The following HEATR1 variants were observed in gnomAD, a reference collection of about 807,000 sequenced individuals.
HEATR1 encodes HEAT repeat containing 1, also known as HEAT repeat-containing protein 1.
Under a neutral mutation model 248.2 loss-of-function variants are expected in HEATR1, and 77 were observed. The ratio of observed to expected loss-of-function variants is 0.31; its 90% CI spans 0.26 to 0.37. The LOEUF is 0.37. HEATR1 is among the 10% of genes least tolerant of loss of function. The probability of loss-of-function intolerance (pLI) is 1.00; values close to 1 mark genes in which losing one functional copy is unlikely to be tolerated. For synonymous variants in HEATR1, 897 were observed against 923.1 expected (o/e 0.97, Z 0.51); for missense variants, 2,420 against 2,504.9 (o/e 0.97, Z 0.72).
Position 236,585,888 on chromosome 1 carries a change from T to A in HEATR1, c.1981A>T (p.Asn661Tyr). 2 of 1,613,194 alleles carry A rather than the reference T, an allele frequency of 1.2e-6. No homozygotes were observed. Among genetic ancestry groups the A allele is most frequent in the Non-Finnish European group, 1.7e-6 (2 of 1,179,324 alleles). ...TKPGKLIGVA[N>Y]QKMIELLADN... ...GCCAACAACTCAATCATCTTCTGATTTGCTACACCGATTAGTTTTCCTGGC... is the reference window on the plus strand; with the variant it reads ...GCCAACAACTCAATCATCTTCTGATATGCTACACCGATTAGTTTTCCTGGC... The change falls in exon 16 of 45, where the codon AAT (asparagine) becomes TAT (tyrosine). Residue 661 changes from asparagine (N) to tyrosine (Y), a missense_variant. Asn to Tyr is a moderately radical substitution (Grantham distance 143, BLOSUM62 -2). Coordinates refer to ENST00000366582, the MANE Select transcript of HEATR1 (RefSeq NM_018072.6).
chr1:236,565,891 CAGTA>C, intron 31 of HEATR1, 24 bp downstream of exon 31: 3 of 1,598,012 alleles, frequency 1.9e-6, no homozygotes, highest in South Asian at 1.1e-5. Flanking sequence ...TCAGATTGAA[CAGTA>C]AGTGACACCC....
At chr1:236,592,898 A>C (rs1369793359) in intron 9 of HEATR1, among the ~76,000 whole-genome samples, 4 of 152,206 alleles carry the variant, frequency 2.6e-5, no homozygotes, top group Admixed American at 2.6e-4. Context: ...CAACATAGTA[A>C]GACTACATTG....
Position 236,571,343 on chromosome 1 carries a change from AC to A in HEATR1, c.3948+7del. 6.3e-7 allele frequency: 1 copy of A among 1,587,120 alleles called. No homozygotes were observed. The highest frequency in any genetic ancestry group is 2.2e-5 in the East Asian group (1 of 44,734). On this transcript the variant is annotated splice_region_variant and intron_variant, in intron 28 of 44. Transcript: ENST00000366582. ...TATCTGCTAAAATCTTATATCATTA[AC>A]GCTTACCGGAAATATTCCAGCAACA... is the stretch of plus-strand genomic sequence containing the variant.
At chr1:236,571,069 G>C (rs1169901030) in intron 28 of HEATR1, among the ~76,000 whole-genome samples, 1 of 152,192 alleles carries the variant, frequency 6.6e-6, no homozygotes, top group Admixed American at 6.5e-5. Context: ...TAGTGTGCCA[G>C]GTATTATGCT....
chr1:236,561,415 T>G (rs1077437), intron 32 of HEATR1, 144 bp from the exon 33 acceptor site: 465,321 of 688,834 alleles, frequency 0.68, 159,738 homozygotes, highest in Non-Finnish European at 0.72. Context: ...CAGGTTCATA[T>G]CATCTTCATT....
At chr1:236,581,675 A>G (rs1663745729) in intron 19 of HEATR1, among the ~76,000 whole-genome samples, 1 of 152,184 alleles carries the variant, frequency 6.6e-6, no homozygotes, top group South Asian at 2.1e-4. Context: ...TGGGACGCCT[A>G]ATTAAGAAAA....
intron 29 of HEATR1, 51 bp from the exon 30 acceptor site, chr1:236,566,927 A>G (rs1257379313): frequency 8.0e-7 from 1 of 1,254,716 alleles, no homozygotes; most frequent in East Asian, 2.3e-5. Context: ...ATCTTCCACA[A>G]AACAAGTTTA....
chr1:236,583,440 T>C (rs1329676960), intron 17 of HEATR1, among the ~76,000 whole-genome samples: 1 of 152,052 alleles, frequency 6.6e-6, no homozygotes, highest in African/African-American at 2.4e-5. Context: ...TTTATTCATA[T>C]GAACTGTTTA....
intron 42 of HEATR1, among the ~76,000 whole-genome samples, chr1:236,554,335 C>T (rs1053218653): frequency 3.9e-5 from 6 of 152,040 alleles, no homozygotes; most frequent in Non-Finnish European, 5.9e-5. Context: ...GAGGTTGCAG[C>T]GAGCCGAGAT....
At chr1:236,573,333 T>C (rs1300812182) in intron 24 of HEATR1, among the ~76,000 whole-genome samples, 3 of 152,156 alleles carry the variant, frequency 2.0e-5, no homozygotes, top group African/African-American at 7.2e-5. Flanking sequence ...GAATAAGACA[T>C]ATACACACAT....
intron 20 of HEATR1, among the ~76,000 whole-genome samples, chr1:236,578,972 T>C (rs1663637216): frequency 6.6e-6 from 1 of 152,232 alleles, no homozygotes; most frequent in African/African-American, 2.4e-5. Flanking sequence ...CTTTATTTCA[T>C]ATCTACTGCA....
chr1:236,574,183 C>A lies in HEATR1; in HGVS notation c.3459+19G>T, dbSNP rs1663504744. The A allele has an allele frequency of 3.8e-6, 6 of 1,576,990 alleles. No individual in the cohort carries two copies. Among genetic ancestry groups the A allele is most frequent in the Non-Finnish European group, 3.4e-6 (4 of 1,168,642 alleles). On this transcript the variant is annotated intron_variant, in intron 24 of 44. Transcript: ENST00000366582. ...CTATAAACATTAATAAAAAAAATTA[C>A]AAGAAGTTTGCAGCTTACCCCTTTA...
At chr1:236,584,182 C>T (rs1663825680) in intron 17 of HEATR1, among the ~76,000 whole-genome samples, 1 of 152,086 alleles carries the variant, frequency 6.6e-6, no homozygotes, top group South Asian at 2.1e-4. Flanking sequence ...ATAAAATAAC[C>T]TGTTATCTAC....
At chr1:236,587,341 A>G in intron 14 of HEATR1, 61 bp downstream of exon 14, 1 of 794,994 alleles carries the variant, frequency 1.3e-6, no homozygotes, top group East Asian at 2.9e-5. Context: ...GAAGAAATAG[A>G]AAGAACTTGA....
In HEATR1 at chr1:236,554,665, A is replaced by G. The variant is rs759161350; in HGVS notation, c.6011T>C (p.Leu2004Pro). 5.0e-6 allele frequency: 8 copies of G among 1,613,534 alleles called. No homozygotes were observed. In the African/African-American group the frequency reaches 1.1e-4, roughly 22 times the overall value. Residue 2004 changes from leucine to proline, a missense_variant, in exon 42 of 45, where the codon CTT becomes CCT. By Grantham distance (98) the Leu-to-Pro change is moderately conservative. Coordinates refer to ENST00000366582, the MANE Select transcript of HEATR1 (RefSeq NM_018072.6). ...ACTTATAAAATGCTGGGTATCAAAA[A>G]GGAAGATTTTGTATAAACAGTTCAA... ...FILNCLYKIF[L>P]FDTQHFISKE...
chr1:236,551,009 AATCAAAATT>A lies in HEATR1; in HGVS notation c.6347-28_6347-20del. ...CATTCATCTAAAAAAAAAAAAAAAA[AATCAAAATT>A]AAAATCTGAGTCAGTCCGCCTGCCT... On this transcript the variant is annotated intron_variant, in intron 44 of 44. Coordinates refer to ENST00000366582, the MANE Select transcript of HEATR1 (RefSeq NM_018072.6). The A allele has an allele frequency of 2.0e-6, 3 of 1,536,494 alleles. No individual in the cohort carries two copies. Among genetic ancestry groups the A allele is most frequent in the South Asian group, 1.2e-5 (1 of 83,934 alleles).
At chr1:236,598,132 C>T (rs967855475) in intron 4 of HEATR1, among the ~76,000 whole-genome samples, 153 bp from the exon 5 acceptor site, 2 of 152,182 alleles carry the variant, frequency 1.3e-5, no homozygotes, top group Admixed American at 6.5e-5. Context: ...GAAATTAACA[C>T]ATAAAATCAT....
chr1:236,569,851 T>C (rs564677916), intron 28 of HEATR1, among the ~76,000 whole-genome samples: 1 of 152,254 alleles, frequency 6.6e-6, no homozygotes, highest in East Asian at 1.9e-4. Context: ...GCAACATAAT[T>C]TATAATAGCC....
intron 12 of HEATR1, among the ~76,000 whole-genome samples, chr1:236,590,394 T>C (rs1348437970): frequency 6.6e-6 from 1 of 152,104 alleles, no homozygotes; most frequent in Admixed American, 6.5e-5. Flanking sequence ...ACTTGGCTAA[T>C]TTTTTATTTT....
Sources: gnomAD v4.1 joint callset for allele counts (sites outside exome capture counted in the v4.1 genomes callset) on GRCh38, gnomAD v4.1.1 for gene constraint, MANE v1.5 for transcripts, NCBI Gene and HGNC (gene_info 2026-07-23, HGNC 2026-07-21) for gene names.